Variants in ATP10B observed in about 807,000 individuals in gnomAD.
The protein encoded by ATP10B is ATPase phospholipid transporting 10B (putative), also known as phospholipid-transporting ATPase VB.
Under a neutral mutation model 141.2 loss-of-function variants are expected in ATP10B, and 122 were observed. The ratio of observed to expected loss-of-function variants is 0.86; its 90% confidence interval spans 0.75 to 1.00. The LOEUF is 1.00. Among genes scored for constraint, ATP10B ranks in the 50% least tolerant of loss-of-function variants. ATP10B has a pLI of 0.00. For synonymous variants in ATP10B, 685 were observed against 692.0 expected (o/e 0.99, Z 0.16); for missense variants, 1,876 against 1,825.3 (o/e 1.03, Z -0.51).
chr5:160,581,830 C>CT (rs1755574948), intron 24 of ATP10B, among the ~76,000 whole-genome samples: 1 of 152,034 alleles, frequency 6.6e-6, no homozygotes, highest in Admixed American at 6.6e-5. Flanking sequence ...AATCTGGGTG[C>CT]CCTGTATTTG....
intron 1 of ATP10B, among the ~76,000 whole-genome samples, chr5:160,801,764 G>C (rs1446188450): frequency 1.3e-5 from 2 of 152,150 alleles, no homozygotes; most frequent in Admixed American, 1.3e-4. Flanking sequence ...AAGTTCACCA[G>C]TTAATGAGAC....
At chr5:160,780,593 T>C (rs1040387513) in intron 2 of ATP10B, among the ~76,000 whole-genome samples, 2 of 152,116 alleles carry the variant, frequency 1.3e-5, no homozygotes, top group African/African-American at 4.8e-5. Context: ...GGAACATTTT[T>C]CCCCCTTTAC....
Position 160,606,673 on chromosome 5 carries a change from C to T in ATP10B, c.3160+92G>A, listed in dbSNP as rs561354985. The stretch of plus-strand genomic sequence containing the variant: ...GACAATGACTCACAGCCTAAGCATT[C>T]TGACTTTGAGACCTGACCTCCCACC... On this transcript the variant is annotated intron_variant, in intron 19 of 25. Coordinates refer to ENST00000327245, the MANE Select transcript of ATP10B (RefSeq NM_025153.3). 259 of 1,298,812 alleles carry T rather than the reference C, an allele frequency of 2.0e-4. No homozygotes were observed. The East Asian group carries it at 5.9e-3, about 30-fold the overall frequency. The allele number at this position is 1,298,812 out of a possible 1,614,324, so 80.5% of individuals were successfully genotyped here. A position where few individuals can be genotyped will look rare whatever the true frequency, so the allele number is the denominator to read the frequency against.
intron 13 of ATP10B, among the ~76,000 whole-genome samples, chr5:160,627,836 A>G (rs1051739649): frequency 6.6e-6 from 1 of 152,210 alleles, no homozygotes; most frequent in Non-Finnish European, 1.5e-5. Context: ...GCTTGTGTAT[A>G]TGCCATACTT....
intron 1 of ATP10B, among the ~76,000 whole-genome samples, chr5:160,821,995 G>A (rs79671230): frequency 6.6e-6 from 1 of 151,978 alleles, no homozygotes; most frequent in Non-Finnish European, 1.5e-5. Flanking sequence ...GACAACCAAA[G>A]CAAAAATGGA....
chr5:160,829,883 T>C (rs1218480612), intron 1 of ATP10B, among the ~76,000 whole-genome samples: 2 of 152,174 alleles, frequency 1.3e-5, no homozygotes, highest in African/African-American at 4.8e-5. Context: ...AAGTATAGAA[T>C]GATATTGTCA....
the ATP10B span, among the ~76,000 whole-genome samples, chr5:160,924,642 C>T: frequency 6.6e-6 from 1 of 152,142 alleles, no homozygotes. Context: ...TAAAATAACT[C>T]TAATATCCAA....
chr5:160,592,727 C>T (rs1001112155), intron 22 of ATP10B, among the ~76,000 whole-genome samples: 1 of 152,214 alleles, frequency 6.6e-6, no homozygotes, highest in African/African-American at 2.4e-5. Flanking sequence ...TGTGCTTTTC[C>T]AACAGGCTTA....
At chr5:160,601,894 A>T (rs1251038232) in intron 21 of ATP10B, among the ~76,000 whole-genome samples, 1 of 152,172 alleles carries the variant, frequency 6.6e-6, no homozygotes, top group Non-Finnish European at 1.5e-5. Context: ...CACTGAAGTG[A>T]TATGCAAGTC....
intron 16 of ATP10B, among the ~76,000 whole-genome samples, chr5:160,617,128 G>C (rs749973110): frequency 6.6e-6 from 1 of 152,194 alleles, no homozygotes; most frequent in Non-Finnish European, 1.5e-5. Context: ...GGGGATTTAT[G>C]CAAGAGAACC....
At chr5:160,924,700 C>T in the ATP10B span, among the ~76,000 whole-genome samples, 1 of 152,142 alleles carries the variant, frequency 6.6e-6, no homozygotes, top group East Asian at 1.9e-4. Context: ...TGTGTTTGAC[C>T]AGCCCAGCAC....
chr5:160,663,880 G>T (rs545882077), intron 7 of ATP10B, among the ~76,000 whole-genome samples: 4 of 152,248 alleles, frequency 2.6e-5, no homozygotes, highest in Admixed American at 2.0e-4. Context: ...AGAGAACAGG[G>T]TTTCTTAACT....
intron 1 of ATP10B, among the ~76,000 whole-genome samples, chr5:160,831,935 A>G (rs1775109114): frequency 6.6e-6 from 1 of 152,098 alleles, no homozygotes; most frequent in African/African-American, 2.4e-5. Flanking sequence ...AAAGTAGGTG[A>G]GTAAAGTATA....
At chr5:160,709,768 A>G (rs1451722990) in intron 3 of ATP10B, among the ~76,000 whole-genome samples, 1 of 77,012 alleles carries the variant, frequency 1.3e-5, no homozygotes, top group Non-Finnish European at 2.5e-5. Context: ...CCCTCCCCCG[A>G]CCCCACCACA....
At chr5:160,904,186 C>T in the ATP10B span, among the ~76,000 whole-genome samples, 1 of 152,042 alleles carries the variant, frequency 6.6e-6, no homozygotes, top group Admixed American at 6.5e-5. Context: ...TTAAAGGGGG[C>T]TTACATTCAG....
At chr5:160,871,177 A>G in the ATP10B span, among the ~76,000 whole-genome samples, 3 of 152,298 alleles carry the variant, frequency 2.0e-5, no homozygotes, top group East Asian at 1.9e-4. Flanking sequence ...TAATTGATCA[A>G]ATAGATAACA....
chr5:160,591,480 C>T (rs755699653), intron 22 of ATP10B, among the ~76,000 whole-genome samples: 1 of 152,198 alleles, frequency 6.6e-6, no homozygotes. Context: ...TAGCCAAGTA[C>T]TCAGTTATTC....
chr5:160,687,842 AG>A lies in ATP10B; in HGVS notation c.232del (p.Leu78SerfsTer25). Reference sequence around the variant, plus strand: ...GAGATTCCGGGGCAGGAAGGTGAAGAGGGTGTATTTGGTTGTGCAGGTTCTG... The same window carrying A: ...GAGATTCCGGGGCAGGAAGGTGAAGAGGTGTATTTGGTTGTGCAGGTTCTG... Reference protein sequence around the residue: ...GNRTCTTKYTLFTFLPRNLFE... With the variant: ...GNRTCTTKYTXFTFLPRNLFE... On this transcript the variant is annotated frameshift_variant, in exon 5 of 26. Coordinates refer to ENST00000327245, the MANE Select transcript of ATP10B (RefSeq NM_025153.3). LOFTEE classifies it high-confidence loss of function. 1 of 1,614,096 alleles carries A rather than the reference AG, an allele frequency of 6.2e-7. No homozygotes were observed. The highest frequency in any genetic ancestry group is 8.5e-7 in the Non-Finnish European group (1 of 1,180,022).
intron 18 of ATP10B, among the ~76,000 whole-genome samples, chr5:160,611,402 A>C (rs989551187): frequency 6.6e-6 from 1 of 152,138 alleles, no homozygotes; most frequent in Non-Finnish European, 1.5e-5. Context: ...CCGAATTTCC[A>C]TTACAAGCAG....
Sources: allele counts gnomAD v4.1 joint callset (sites outside exome capture counted in the v4.1 genomes callset), GRCh38; gene constraint gnomAD v4.1.1; transcripts MANE v1.5; gene names NCBI Gene and HGNC (gene_info 2026-07-23, HGNC 2026-07-21).